NRG1: variants seen among roughly 807,000 people sequenced by gnomAD.
NRG1 encodes pro-neuregulin-1, membrane-bound isoform.
Under a neutral mutation model 63.8 loss-of-function variants are expected in NRG1, and 18 were observed. The ratio of observed to expected loss-of-function variants is 0.28; its 90% CI spans 0.19 to 0.42. NRG1 has a LOEUF of 0.42. Among genes scored for constraint, NRG1 ranks in the 10% least tolerant of loss-of-function variants. The pLI is 1.00. For synonymous variants in NRG1, 302 were observed against 301.3 expected (o/e 1.00, Z -0.02); for missense variants, 762 against 814.7 (o/e 0.94, Z 0.79).
upstream of NRG1, among the ~76,000 whole-genome samples, chr8:32,546,831 G>C (rs939925197): frequency 6.6e-6 from 1 of 152,092 alleles, no homozygotes; most frequent in African/African-American, 2.4e-5. Context: ...TGTGATTTTA[G>C]GACAGTTTTA....
intron 1 of NRG1, among the ~76,000 whole-genome samples, chr8:32,447,317 T>C (rs10090022): frequency 0.42 from 63,948 of 151,476 alleles, 14,241 homozygotes; most frequent in East Asian, 0.79. Context: ...GCCACCTTGC[T>C]TGGCCCTAAA....
At chr8:32,352,417 A>G (rs938664847) in intron 1 of NRG1, among the ~76,000 whole-genome samples, 1 of 150,838 alleles carries the variant, frequency 6.6e-6, no homozygotes, top group Non-Finnish European at 1.5e-5. Context: ...TCCAGCTTCA[A>G]TCTCTATAAT....
At chr8:32,027,664 TG>T (rs1212431894) in intron 1 of NRG1, among the ~76,000 whole-genome samples, 3 of 152,150 alleles carry the variant, frequency 2.0e-5, no homozygotes, top group Admixed American at 6.5e-5. Flanking sequence ...TTTACTTTCA[TG>T]GATTATCTGT....
chr8:31,942,019 C>T lies in NRG1; in HGVS notation c.37+302588C>T, dbSNP rs56348149. ...CCTTCAAAATACCATCATCACTCTT[C>T]ACATAACTAGACAAAACAATCCTAA... On this transcript the variant is annotated intron_variant, in intron 1 of 10. Transcript: ENST00000519301. Among the ~76,000 whole-genome samples, 1,040 of 152,168 alleles carry T rather than the reference C, an allele frequency of 6.8e-3. 10 individuals are homozygous for T. The highest frequency in any genetic ancestry group is 0.024 in the African/African-American group (999 of 41,524).
intron 1 of NRG1, among the ~76,000 whole-genome samples, chr8:32,232,572 A>G (rs1217065873): frequency 6.6e-6 from 1 of 152,156 alleles, no homozygotes; most frequent in African/African-American, 2.4e-5. Context: ...CCCAGACTAC[A>G]AAGGGAAAGG....
intron 1 of NRG1, among the ~76,000 whole-genome samples, chr8:31,668,525 T>A (rs547530620): frequency 6.6e-6 from 1 of 152,350 alleles, no homozygotes; most frequent in Admixed American, 6.5e-5. Context: ...TCTCAGTTTA[T>A]TGTGAAATTC....
intron 1 of NRG1, among the ~76,000 whole-genome samples, chr8:32,119,241 A>G (rs1222468943): frequency 1.3e-5 from 2 of 152,088 alleles, no homozygotes; most frequent in African/African-American, 4.8e-5. Flanking sequence ...CAACCCATGA[A>G]ATCAGTACTT....
chr8:32,534,872 A>G (rs1317626456), intron 1 of NRG1, among the ~76,000 whole-genome samples: 1 of 152,108 alleles, frequency 6.6e-6, no homozygotes, highest in Non-Finnish European at 1.5e-5. Flanking sequence ...GTTTTTGAGC[A>G]TTCTAAGATT....
intron 1 of NRG1, among the ~76,000 whole-genome samples, chr8:32,302,940 C>T (rs1029187692): frequency 8.6e-5 from 13 of 152,024 alleles, no homozygotes; most frequent in African/African-American, 2.7e-4. Flanking sequence ...CTAGCACTTT[C>T]GGAGGCCGAG....
intron 1 of NRG1, among the ~76,000 whole-genome samples, chr8:32,395,672 T>C (rs1812351615): frequency 6.6e-6 from 1 of 152,128 alleles, no homozygotes; most frequent in South Asian, 2.1e-4. Context: ...AAGTGTGTTT[T>C]CCCAGTCTGT....
intron 1 of NRG1, among the ~76,000 whole-genome samples, chr8:31,782,909 T>C (rs1283927602): frequency 6.6e-6 from 1 of 152,148 alleles, no homozygotes; most frequent in Non-Finnish European, 1.5e-5. Context: ...TGGAAGGGAT[T>C]CAAGGGGTTC....
intron 1 of NRG1, among the ~76,000 whole-genome samples, chr8:31,673,605 T>C (rs1807379044): frequency 6.6e-6 from 1 of 152,176 alleles, no homozygotes; most frequent in South Asian, 2.1e-4. Flanking sequence ...TCTCCTGTAG[T>C]CTAAAGTGCA....
intron 1 of NRG1, among the ~76,000 whole-genome samples, chr8:31,674,857 G>A (rs759218876): frequency 6.6e-6 from 1 of 152,196 alleles, no homozygotes; most frequent in Admixed American, 6.5e-5. Flanking sequence ...GCATATGAAG[G>A]GGGGAATGTA....
rs148011421 is a variant in NRG1 at position 32,693,830 on chromosome 8, AT to A, written c.503-34115del. Among the ~76,000 whole-genome samples, 58 of 152,256 alleles carry A rather than the reference AT, an allele frequency of 3.8e-4. No individual in the cohort carries two copies. The East Asian group carries it at 0.011, about 28-fold the overall frequency. Reference sequence around the variant, plus strand: ...AGATATGACCCCATAAACACAAACAATTTTCGTTCCCTTGTTCCTACATATG... The same window carrying A: ...AGATATGACCCCATAAACACAAACAATTTCGTTCCCTTGTTCCTACATATG... On this transcript the variant is annotated intron_variant, in intron 5 of 11. Transcript: ENST00000356819.
chr8:31,938,101 A>G (rs2129620679), intron 1 of NRG1, among the ~76,000 whole-genome samples: 1 of 152,256 alleles, frequency 6.6e-6, no homozygotes, highest in South Asian at 2.1e-4. Flanking sequence ...GCTGGAGGCT[A>G]AACCAAAACC....
At chr8:31,932,192 T>C (rs965758895) in intron 1 of NRG1, among the ~76,000 whole-genome samples, 1 of 152,058 alleles carries the variant, frequency 6.6e-6, no homozygotes, top group Non-Finnish European at 1.5e-5. Flanking sequence ...TGTTACAAAT[T>C]ATAGGTTCCA....
At chr8:32,563,832 T>A (rs1269104557) in intron 1 of NRG1, among the ~76,000 whole-genome samples, 1 of 152,220 alleles carries the variant, frequency 6.6e-6, no homozygotes, top group Non-Finnish European at 1.5e-5. Context: ...ACCTTGTTGA[T>A]CATCTTAACA....
intron 1 of NRG1, among the ~76,000 whole-genome samples, chr8:32,541,981 A>G (rs903530014): frequency 6.6e-6 from 1 of 152,166 alleles, no homozygotes; most frequent in African/African-American, 2.4e-5. Flanking sequence ...GCTTACCTAC[A>G]TTATGCCTAG....
intron 1 of NRG1, among the ~76,000 whole-genome samples, chr8:32,030,854 A>C (rs1818157370): frequency 6.6e-6 from 1 of 152,204 alleles, no homozygotes. Flanking sequence ...TAAAAAACAA[A>C]ATTCTAGTCA....
Sources: allele counts gnomAD v4.1 joint callset (sites outside exome capture counted in the v4.1 genomes callset), GRCh38; gene constraint gnomAD v4.1.1; transcripts MANE v1.5; gene names NCBI Gene and HGNC (gene_info 2026-07-23, HGNC 2026-07-21).